Variants in GKN1 observed in about 807,000 individuals in gnomAD.
GKN1 encodes gastrokine 1.
In GKN1, 17 loss-of-function variants were observed where a neutral mutation model predicts 19.7. That is an observed-to-expected ratio of 0.86 (90% CI 0.59 to 1.29). The LOEUF (loss-of-function observed/expected upper bound fraction) is 1.29, where lower values mean the gene tolerates loss of function less well. Among genes scored for constraint, GKN1 ranks in the 50% most tolerant of loss-of-function variants. GKN1 has a pLI of 0.00. For synonymous variants in GKN1, 96 were observed against 78.3 expected, an observed-to-expected ratio of 1.23 and a Z score of -1.20; for missense variants, 218 against 224.5, an observed-to-expected ratio of 0.97 and a Z score of 0.19.
At chr2:68,976,402 C>T (rs1160978139) in intron 1 of GKN1, among the ~76,000 whole-genome samples, 7 of 152,004 alleles carry the variant, frequency 4.6e-5, no homozygotes, top group Non-Finnish European at 7.4e-5. Flanking sequence ...AATACTGGTA[C>T]AAATATGTTA....
chr2:68,979,645 TG>T, intron 4 of GKN1, among the ~76,000 whole-genome samples: 1 of 152,320 alleles, frequency 6.6e-6, no homozygotes, highest in East Asian at 1.9e-4. Context: ...GATGACCAAA[TG>T]AGGTCCAAGT....
intron 1 of GKN1, among the ~76,000 whole-genome samples, chr2:68,975,444 G>C (rs1034954960): frequency 3.3e-5 from 5 of 152,156 alleles, no homozygotes; most frequent in Admixed American, 1.3e-4. Flanking sequence ...GAGTCTAGGA[G>C]GAGGTGGACC....
Position 68,980,015 on chromosome 2 carries a change from A to G in GKN1, c.418A>G (p.Asn140Asp). The G allele has an allele frequency of 6.2e-7, 1 of 1,614,034 alleles. No individual in the cohort carries two copies. Among genetic ancestry groups the G allele is most frequent in the East Asian group, 2.2e-5 (1 of 44,890 alleles). Residue 140 changes from asparagine (N) to aspartate (D), a missense_variant, in exon 5 of 6, where the codon AAC becomes GAC. Physicochemically the swap from Asn to Asp is conservative, Grantham distance 23. Coordinates refer to ENST00000377938, the MANE Select transcript of GKN1 (RefSeq NM_019617.4). ...DLSKFGKNIA[N>D]MCRGIPTYMA... ...GAGCAAGTTCGGAAAAAACATTGCA[A>G]ACATGTGTCGTGGGATTCCAACATA...
intron 4 of GKN1, 104 bp from the exon 5 acceptor site, chr2:68,979,809 C>A (rs1186390498): frequency 2.3e-6 from 2 of 862,488 alleles, no homozygotes; most frequent in Non-Finnish European, 3.8e-6. Context: ...TTTAGCTGAG[C>A]AACACTCACT....
At chr2:68,974,784 G>A in intron 1 of GKN1, 95 bp downstream of exon 1, 1 of 848,398 alleles carries the variant, frequency 1.2e-6, no homozygotes, top group Non-Finnish European at 2.0e-6. Flanking sequence ...GCCCCATCAT[G>A]GAAAATTTGT....
intron 4 of GKN1, among the ~76,000 whole-genome samples, chr2:68,979,591 T>C (rs1010275272): frequency 6.6e-6 from 1 of 152,204 alleles, no homozygotes; most frequent in Non-Finnish European, 1.5e-5. Flanking sequence ...ATAAACTGCA[T>C]TCTCAGAAGA....
chr2:68,977,722 T>G lies in GKN1; in HGVS notation c.152T>G (p.Val51Gly), dbSNP rs753526359. 6.2e-7 allele frequency: 1 copy of G among 1,610,916 alleles called. No homozygotes were observed. Among genetic ancestry groups the G allele is most frequent in the South Asian group, 1.1e-5 (1 of 91,008 alleles). ...AACAATGAACACAATGTGGCCAATGTTGACAATAACAACGGATGGGACTCC... is the reference window on the plus strand; with the variant it reads ...AACAATGAACACAATGTGGCCAATGGTGACAATAACAACGGATGGGACTCC... Reference protein sequence around the residue: ...SVNNEHNVANVDNNNGWDSWN... With the variant: ...SVNNEHNVANGDNNNGWDSWN... The change falls in exon 3 of 6, where the codon GTT becomes GGT. Residue 51 changes from valine (V) to glycine (G), a missense_variant. Val to Gly is a moderately radical substitution (Grantham distance 109). Transcript: ENST00000377938.
rs1055920232 is a variant in GKN1, at chr2:68,975,776, G to T, written c.12+1087G>T. On this transcript the variant is annotated intron_variant, in intron 1 of 5. Coordinates refer to ENST00000377938, the MANE Select transcript of GKN1 (RefSeq NM_019617.4). ...AGCTCAGTTACCTTATCTGTAAAAT[G>T]ATTGCATTGTACTAGGTGTTCTCTA... Among the ~76,000 whole-genome samples the T allele has an allele frequency of 2.0e-5, 3 of 152,276 alleles. No homozygotes were observed. The East Asian group carries it at 5.8e-4, about 29-fold the overall frequency.
At chr2:68,976,821 C>T (rs767475287) in intron 1 of GKN1, among the ~76,000 whole-genome samples, 25 of 152,026 alleles carry the variant, frequency 1.6e-4, no homozygotes, top group Non-Finnish European at 2.9e-4. Context: ...TATAGCAAGT[C>T]CTTGAAAGCT....
chr2:68,979,094 G>A, intron 4 of GKN1, 113 bp downstream of exon 4: 1 of 580,460 alleles, frequency 1.7e-6, no homozygotes, highest in South Asian at 2.4e-5. Context: ...GTAGTGTGCA[G>A]CACAAAGGGG....
At chr2:68,980,157 T>G (rs1179159461) in intron 5 of GKN1, 97 bp downstream of exon 5, 22 of 1,075,990 alleles carry the variant, frequency 2.0e-5, no homozygotes, top group Non-Finnish European at 2.9e-5. Context: ...GATGCAGGGA[T>G]GGTCATCAAG....
At chr2:68,978,267 G>A (rs200022266) in intron 3 of GKN1, among the ~76,000 whole-genome samples, 2 of 75,868 alleles carry the variant, frequency 2.6e-5, no homozygotes, top group Non-Finnish European at 4.2e-5. Context: ...AAAGAAGGAA[G>A]GAAGGAAAGA....
At chr2:68,979,054 A>C in intron 4 of GKN1, 73 bp downstream of exon 4, 2 of 743,490 alleles carry the variant, frequency 2.7e-6, no homozygotes, top group Non-Finnish European at 4.8e-6. Flanking sequence ...CGAGAAGATC[A>C]CAGTCATTCC....
chr2:68,979,000 T>C lies in GKN1; in HGVS notation c.315+19T>C. The stretch of plus-strand genomic sequence containing the variant: ...AAAGAAGGTAAAAATAAAAGGCTTT[T>C]TATTTTTGGTGAGGGGAGAGGTTTT... On this transcript the variant is annotated intron_variant, in intron 4 of 5. Transcript: ENST00000377938. 7.8e-7 allele frequency: 1 copy of C among 1,279,430 alleles called. No homozygotes were observed. The highest frequency in any genetic ancestry group is 1.1e-6 in the Non-Finnish European group (1 of 882,488). 79.3% of individuals were successfully genotyped at this position (1,279,430 alleles called of 1,614,324 possible).
rs370909452 is a variant in GKN1, at chr2:68,978,954, C to T, written c.288C>T (p.Ser96=). The T allele has an allele frequency of 3.8e-5, 61 of 1,591,354 alleles. No homozygotes were observed. In the African/African-American group the frequency reaches 7.0e-4, roughly 18 times the overall value. Residue 96 remains serine, a synonymous_variant, in exon 4 of 6, where the codon TCC becomes TCT. Transcript: ENST00000377938. Reference sequence around the variant, plus strand: ...AGGAAGTCATGCCCTCCATTCAATCCCTTGATGCACTGGTCAAGGAAAAGA... The same window carrying T: ...AGGAAGTCATGCCCTCCATTCAATCTCTTGATGCACTGGTCAAGGAAAAGA... ...MNKEVMPSIQ[S]LDALVKEKKL... is the part of the protein sequence containing the mutation.
chr2:68,976,514 G>A (rs1046924263), intron 1 of GKN1, among the ~76,000 whole-genome samples: 2 of 152,138 alleles, frequency 1.3e-5, no homozygotes, highest in Middle Eastern at 3.2e-3. Context: ...TGAGAGGTGA[G>A]CATCAACAAC....
In GKN1 at chr2:68,980,786, T is replaced by C. The variant is rs771420012; in HGVS notation, c.521T>C (p.Val174Ala). ...TACACGACCAGTGTACTATGGATTG[T>C]GGACATTTCCTTCTGTGGAGACACG... The part of the protein sequence containing the change: ...TCYTTSVLWI[V>A]DISFCGDTVE... The change falls in exon 6 of 6, where the codon GTG becomes GCG. Residue 174 changes from valine (V) to alanine (A), a missense_variant. Transcript: ENST00000377938. The C allele has an allele frequency of 1.9e-6, 3 of 1,594,780 alleles. No homozygotes were observed. The highest frequency in any genetic ancestry group is 1.7e-6 in the Non-Finnish European group (2 of 1,162,376).
chr2:68,978,793 C>A, intron 3 of GKN1, 78 bp from the exon 4 acceptor site: 1 of 734,486 alleles, frequency 1.4e-6, no homozygotes, highest in Non-Finnish European at 2.4e-6. Context: ...CCATTTCTCT[C>A]TGCAGGTGGA....
chr2:68,978,968 T>C lies in GKN1; in HGVS notation c.302T>C (p.Val101Ala). Residue 101 changes from valine to alanine, a missense_variant, in exon 4 of 6, where the codon GTC becomes GCC. Coordinates refer to ENST00000377938, the MANE Select transcript of GKN1 (RefSeq NM_019617.4). The stretch of plus-strand genomic sequence containing the variant: ...TCCATTCAATCCCTTGATGCACTGG[T>C]CAAGGAAAAGAAGGTAAAAATAAAA... Reference protein sequence around the residue: ...MPSIQSLDALVKEKKLQGKGP... With the variant: ...MPSIQSLDALAKEKKLQGKGP... 1.3e-6 allele frequency: 2 copies of C among 1,571,028 alleles called. No individual in the cohort carries two copies. Among genetic ancestry groups the C allele is most frequent in the Non-Finnish European group, 8.8e-7 (1 of 1,141,710 alleles).
Sources: allele counts gnomAD v4.1 joint callset (sites outside exome capture counted in the v4.1 genomes callset), GRCh38; gene constraint gnomAD v4.1.1; transcripts MANE v1.5; gene names NCBI Gene and HGNC (gene_info 2026-07-23, HGNC 2026-07-21).